Variants in CPNE4 observed in about 807,000 individuals in gnomAD.
The protein encoded by CPNE4 is copine-4.
Under a neutral mutation model 67.9 loss-of-function variants are expected in CPNE4, and 25 were observed. The observed-to-expected ratio is 0.37, with a 90% CI of 0.27 to 0.51. CPNE4 has a LOEUF of 0.51. CPNE4 is among the 20% of genes least tolerant of loss of function. The probability of loss-of-function intolerance (pLI) is 0.93; values close to 1 mark genes in which losing one functional copy is unlikely to be tolerated. For missense variants in CPNE4, 464 were observed against 690.8 expected (o/e 0.67, Z 3.68); for synonymous variants, 242 against 244.9 (o/e 0.99, Z 0.11).
intron 7 of CPNE4, among the ~76,000 whole-genome samples, chr3:131,624,459 AG>A (rs1343307406): frequency 1.3e-5 from 2 of 152,170 alleles, no homozygotes; most frequent in Non-Finnish European, 2.9e-5. Context: ...TACCATGAAA[AG>A]TATACCCTTT....
chr3:131,749,517 A>G (rs905273563), intron 2 of CPNE4, among the ~76,000 whole-genome samples: 1 of 152,006 alleles, frequency 6.6e-6, no homozygotes, highest in African/African-American at 2.4e-5. Flanking sequence ...TTTTCTGTCT[A>G]GTTGTTTTAT....
intron 1 of CPNE4, among the ~76,000 whole-genome samples, chr3:131,962,602 A>G (rs2072215223): frequency 6.6e-6 from 1 of 152,184 alleles, no homozygotes; most frequent in Admixed American, 6.5e-5. Context: ...TTTATTGAGC[A>G]CTTAATATGT....
At chr3:131,828,852 A>AAAAAC (rs745716845) in intron 2 of CPNE4, among the ~76,000 whole-genome samples, 4 of 152,202 alleles carry the variant, frequency 2.6e-5, no homozygotes, top group Non-Finnish European at 4.4e-5. Context: ...AACAAAACAA[A>AAAAAC]AAAACAAAAC....
At chr3:131,611,877 G>GAGCCCAAGTCACGACAAATA (rs1939862239) in intron 7 of CPNE4, among the ~76,000 whole-genome samples, 1 of 152,056 alleles carries the variant, frequency 6.6e-6, no homozygotes, top group Admixed American at 6.6e-5. Context: ...AAGGATAAGT[G>GAGCCCAAGTCACGACAAATA]AGCCCAAGTC....
intron 7 of CPNE4, among the ~76,000 whole-genome samples, chr3:131,625,129 A>T (rs58027426): frequency 1.3e-5 from 2 of 151,826 alleles, no homozygotes; most frequent in African/African-American, 4.8e-5. Context: ...CTCATATATA[A>T]CTTATCCAAC....
intron 2 of CPNE4, among the ~76,000 whole-genome samples, chr3:131,901,698 G>A (rs781492911): frequency 6.6e-6 from 1 of 152,008 alleles, no homozygotes; most frequent in African/African-American, 2.4e-5. Flanking sequence ...AGAGTCCTCC[G>A]ACCATGATCC....
At chr3:131,710,928 G>A (rs537792464) in intron 3 of CPNE4, among the ~76,000 whole-genome samples, 56 of 152,260 alleles carry the variant, frequency 3.7e-4, no homozygotes, top group African/African-American at 1.2e-3. Flanking sequence ...GCCACTTCAG[G>A]AGGCATGTAA....
chr3:131,822,702 A>G (rs918047103), intron 2 of CPNE4, among the ~76,000 whole-genome samples: 3 of 152,200 alleles, frequency 2.0e-5, no homozygotes, highest in Non-Finnish European at 4.4e-5. Flanking sequence ...CCACAGAATA[A>G]TCCATATACT....
chr3:131,609,768 C>A (rs181538846), intron 7 of CPNE4, among the ~76,000 whole-genome samples: 1 of 152,228 alleles, frequency 6.6e-6, no homozygotes, highest in Admixed American at 6.5e-5. Flanking sequence ...TAAAAACAAG[C>A]TAGGAATTAA....
chr3:131,645,134 G>A (rs1560038952), intron 7 of CPNE4, among the ~76,000 whole-genome samples: 1 of 152,192 alleles, frequency 6.6e-6, no homozygotes, highest in Non-Finnish European at 1.5e-5. Context: ...TTACATTGCT[G>A]TTATTGCCAC....
intron 2 of CPNE4, among the ~76,000 whole-genome samples, chr3:131,825,791 C>T (rs764735180): frequency 1.2e-4 from 19 of 152,188 alleles, no homozygotes; most frequent in Non-Finnish European, 2.8e-4. Context: ...GTTGCCTCCC[C>T]ACCTCAGAGC....
chr3:131,913,313 C>T (rs923556353), intron 1 of CPNE4, among the ~76,000 whole-genome samples: 2 of 152,190 alleles, frequency 1.3e-5, no homozygotes, highest in Non-Finnish European at 2.9e-5. Context: ...CCAGTAGGCT[C>T]GAGCATGCAT....
At chr3:131,775,351 C>T (rs1051811100) in intron 2 of CPNE4, among the ~76,000 whole-genome samples, 1 of 152,042 alleles carries the variant, frequency 6.6e-6, no homozygotes, top group African/African-American at 2.4e-5. Context: ...AAATTAACAT[C>T]TTTGGTGGGG....
intron 15 of CPNE4, among the ~76,000 whole-genome samples, chr3:131,536,080 T>C (rs1369538162): frequency 6.6e-6 from 1 of 151,884 alleles, no homozygotes; most frequent in Non-Finnish European, 1.5e-5. Context: ...CTGAAGGAAG[T>C]GTGTATGGCA....
At chr3:131,851,207 G>A (rs1400625384) in intron 2 of CPNE4, among the ~76,000 whole-genome samples, 4 of 152,062 alleles carry the variant, frequency 2.6e-5, no homozygotes, top group Non-Finnish European at 5.9e-5. Flanking sequence ...AAGAAAGTGA[G>A]TGATTTATAA....
chr3:131,592,108 A>G (rs1204037591), intron 7 of CPNE4, among the ~76,000 whole-genome samples: 1 of 152,218 alleles, frequency 6.6e-6, no homozygotes, highest in Non-Finnish European at 1.5e-5. Context: ...CAGTTCACCC[A>G]GTACAGAGTG....
intron 2 of CPNE4, among the ~76,000 whole-genome samples, chr3:131,770,565 G>A (rs1437301489): frequency 1.3e-5 from 2 of 152,224 alleles, no homozygotes; most frequent in Non-Finnish European, 2.9e-5. Flanking sequence ...AGACCTAGAG[G>A]AAGCTCCAGG....
chr3:131,618,275 A>C (rs1251533131), intron 7 of CPNE4, among the ~76,000 whole-genome samples: 1 of 152,220 alleles, frequency 6.6e-6, no homozygotes, highest in Non-Finnish European at 1.5e-5. Flanking sequence ...TAATTGACAA[A>C]TAATAATTGT....
chr3:131,715,576 GTGCC>G (rs2081664122), intron 3 of CPNE4, among the ~76,000 whole-genome samples: 1 of 152,160 alleles, frequency 6.6e-6, no homozygotes, highest in Non-Finnish European at 1.5e-5. Context: ...AATAATGGTA[GTGCC>G]TACCTCTCAG....
Sources: allele counts gnomAD v4.1 joint callset (sites outside exome capture counted in the v4.1 genomes callset), GRCh38; gene constraint gnomAD v4.1.1; transcripts MANE v1.5; gene names NCBI Gene and HGNC (gene_info 2026-07-23, HGNC 2026-07-21).